The following CYP3A7 variants were observed in gnomAD, a reference collection of about 807,000 sequenced individuals.
CYP3A7 encodes cytochrome P450 family 3 subfamily A member 7, also known as cytochrome P450 3A7.
CYP3A7 carries 45 observed loss-of-function variants against 55.2 expected under a neutral mutation model. That is an observed-to-expected ratio of 0.82 (90% CI 0.64 to 1.05). The LOEUF is 1.05. Ranked by LOEUF, CYP3A7 falls within the 50% of genes least tolerant of loss-of-function variation. CYP3A7 has a pLI of 0.00. For missense variants in CYP3A7, 548 were observed against 605.3 expected (o/e 0.91, Z 0.99); for synonymous variants, 180 against 207.4 (o/e 0.87, Z 1.13).
At chr7:99,729,621 C>T (rs572849866) in intron 2 of CYP3A7, among the ~76,000 whole-genome samples, 19 of 152,290 alleles carry the variant, frequency 1.2e-4, no homozygotes, top group East Asian at 3.9e-4. Flanking sequence ...AGCAATCTTA[C>T]GACATTCCAT....
At chr7:99,720,002 C>A (rs1814128132) in intron 4 of CYP3A7, among the ~76,000 whole-genome samples, 1 of 151,482 alleles carries the variant, frequency 6.6e-6, no homozygotes, top group Non-Finnish European at 1.5e-5. Context: ...GTCCGAAAAA[C>A]AAACAACAAA....
In CYP3A7 at chr7:99,727,680, A is replaced by G. The variant is rs754876178; in HGVS notation, c.165+3379T>C. Reference sequence around the variant, plus strand: ...CTCACCAGCAAAGGCAGGCTGTGCTATATTATCTTCCACATCTATCATTGA... The same window carrying G: ...CTCACCAGCAAAGGCAGGCTGTGCTGTATTATCTTCCACATCTATCATTGA... On this transcript the variant is annotated intron_variant, in intron 2 of 12. Coordinates refer to ENST00000336374, the MANE Select transcript of CYP3A7 (RefSeq NM_000765.5). Among the ~76,000 whole-genome samples the G allele has an allele frequency of 7.2e-4, 109 of 152,230 alleles. 1 individual carries two copies. The highest frequency in any genetic ancestry group is 1.1e-3 in the Admixed American group (17 of 15,298).
At chr7:99,721,965 C>G (rs1431143286) in intron 3 of CYP3A7, among the ~76,000 whole-genome samples, 2 of 152,184 alleles carry the variant, frequency 1.3e-5, no homozygotes, top group African/African-American at 4.8e-5. Context: ...GCCTGTCCAA[C>G]CTTGGTGTGG....
chr7:99,722,482 T>A, intron 2 of CYP3A7, 134 bp from the exon 3 acceptor site: 4 of 1,104,672 alleles, frequency 3.6e-6, no homozygotes, highest in Non-Finnish European at 5.2e-6. Flanking sequence ...TTTAGAGATG[T>A]CATAAGAGAA....
Position 99,713,543 on chromosome 7 carries a change from C to CA in CYP3A7, c.799-9dup. 1 of 1,613,122 alleles carries CA rather than the reference C, an allele frequency of 6.2e-7. No individual in the cohort carries two copies. The highest frequency in any genetic ancestry group is 8.5e-7 in the Non-Finnish European group (1 of 1,179,406). ...AAGGAAATCCACTCGGTGCTAGAAG[C>CA]AAAAAGAGAAATTTTATTGACAGAA... On this transcript the variant is annotated splice_polypyrimidine_tract_variant and intron_variant, in intron 8 of 12. Coordinates refer to ENST00000336374, the MANE Select transcript of CYP3A7 (RefSeq NM_000765.5).
chr7:99,708,253 G>C (rs1813595551), intron 11 of CYP3A7, among the ~76,000 whole-genome samples: 1 of 152,132 alleles, frequency 6.6e-6, no homozygotes, highest in African/African-American at 2.4e-5. Context: ...ATTATAGTCA[G>C]GATGGTGATG....
At chr7:99,724,019 TCACCTTCCCTGGGTGGCAAGTAC>T (rs1295082702) in intron 2 of CYP3A7, among the ~76,000 whole-genome samples, 51 of 152,094 alleles carry the variant, frequency 3.4e-4, no homozygotes, top group Non-Finnish European at 5.0e-4. Context: ...GTCACAAGTA[TCACCTTCCCTGGGTGGCAAGTAC>T]CACCTTCCCT....
At chr7:99,707,718 A>G (rs1813578480) in intron 12 of CYP3A7, 94 bp downstream of exon 12, 3 of 1,563,540 alleles carry the variant, frequency 1.9e-6, no homozygotes, top group African/African-American at 1.4e-5. Flanking sequence ...CAAATTATTA[A>G]AAGATTAAGT....
chr7:99,724,522 A>T (rs1324427262), intron 2 of CYP3A7, among the ~76,000 whole-genome samples: 1 of 151,450 alleles, frequency 6.6e-6, no homozygotes. Context: ...GAGTCCTTTG[A>T]ATCCTCCTTT....
At chr7:99,733,419 T>G (rs2687134) in intron 1 of CYP3A7, among the ~76,000 whole-genome samples, 117,797 of 152,090 alleles carry the variant, frequency 0.77, 48,814 homozygotes, top group Non-Finnish European at 0.93. Flanking sequence ...TGCTGCTTTT[T>G]GTTACAATGA....
At chr7:99,717,748 G>A in intron 4 of CYP3A7, 109 bp from the exon 5 acceptor site, 1 of 1,359,008 alleles carries the variant, frequency 7.4e-7, no homozygotes, top group African/African-American at 1.4e-5. Flanking sequence ...TTTAGTGACT[G>A]TCTACTAAGT....
intron 2 of CYP3A7, among the ~76,000 whole-genome samples, chr7:99,729,880 T>C (rs1026441128): frequency 6.6e-6 from 1 of 152,206 alleles, no homozygotes; most frequent in Non-Finnish European, 1.5e-5. Context: ...ATTAAAAACA[T>C]TTATTGCTCA....
In CYP3A7 at chr7:99,717,971, C is replaced by G. The variant is rs531456717; in HGVS notation, c.319-332G>C. 2.0e-3 allele frequency among the ~76,000 whole-genome samples: 304 copies of G among 152,242 alleles called. 1 individual carries two copies. Among genetic ancestry groups the G allele is most frequent in the Non-Finnish European group, 2.8e-3 (191 of 68,020 alleles). The stretch of plus-strand genomic sequence containing the variant: ...CAGAGAGGCAGGTGGCTTTGTTGGA[C>G]TGTATGTTGCCTCAGACGAGCTCTG... On this transcript the variant is annotated intron_variant, in intron 4 of 12. Transcript: ENST00000336374.
intron 2 of CYP3A7, among the ~76,000 whole-genome samples, chr7:99,728,872 T>C (rs1163255454): frequency 2.6e-5 from 4 of 152,028 alleles, no homozygotes; most frequent in African/African-American, 9.7e-5. Context: ...GCATTACAGA[T>C]ACATCACAAA....
At chr7:99,712,097 T>C (rs1380943381) in intron 9 of CYP3A7, among the ~76,000 whole-genome samples, 1 of 152,232 alleles carries the variant, frequency 6.6e-6, no homozygotes. Context: ...ATTTTTTTCC[T>C]GAGAGAAGCT....
At chr7:99,717,375 A>G (rs1814000029) in intron 5 of CYP3A7, 110 bp from the exon 6 acceptor site, 27 of 1,600,692 alleles carry the variant, frequency 1.7e-5, no homozygotes, top group East Asian at 2.2e-5. Flanking sequence ...AATGAATTTT[A>G]TGATGTGTTT....
Position 99,713,521 on chromosome 7 carries a change from G to C in CYP3A7, c.813C>G (p.Phe271Leu). The change falls in exon 9 of 13, where the codon TTC becomes TTG. Residue 271 changes from phenylalanine to leucine, a missense_variant. By Grantham distance (22) the Phe-to-Leu change is conservative (BLOSUM62 0). Coordinates refer to ENST00000336374, the MANE Select transcript of CYP3A7 (RefSeq NM_000765.5). ...LKETQKHRVD[F>L]LQLMIDSQNS... ...TCTGAGAGTCAATCATCAGCTGAAG[G>C]AAATCCACTCGGTGCTAGAAGCAAA... is the stretch of plus-strand genomic sequence containing the variant. 3.1e-6 allele frequency: 5 copies of C among 1,613,408 alleles called. No individual in the cohort carries two copies. Among genetic ancestry groups the C allele is most frequent in the Non-Finnish European group, 4.2e-6 (5 of 1,179,562 alleles).
At chr7:99,708,774 C>T (rs1358637396) in intron 11 of CYP3A7, among the ~76,000 whole-genome samples, 3 of 152,124 alleles carry the variant, frequency 2.0e-5, no homozygotes, top group Non-Finnish European at 2.9e-5. Context: ...AGAGTCCTTA[C>T]ATTTTGGACA....
At chr7:99,714,450 T>TA in intron 8 of CYP3A7, 105 bp downstream of exon 8, 1 of 1,538,140 alleles carries the variant, frequency 6.5e-7, no homozygotes, top group South Asian at 1.2e-5. Context: ...CTCTTTATGT[T>TA]AAAATCTTTC....
Sources: allele counts gnomAD v4.1 joint callset (sites outside exome capture counted in the v4.1 genomes callset), GRCh38; gene constraint gnomAD v4.1.1; transcripts MANE v1.5; gene names NCBI Gene and HGNC (gene_info 2026-07-23, HGNC 2026-07-21).